PCDHA7: variants seen among roughly 807,000 people sequenced by gnomAD.
PCDHA7 encodes the protein protocadherin alpha 7.
In PCDHA7, 37 loss-of-function variants were observed where a neutral mutation model predicts 57.2. The observed-to-expected ratio is 0.65, with a 90% CI of 0.50 to 0.85. The LOEUF (loss-of-function observed/expected upper bound fraction) is 0.85, where lower values mean the gene tolerates loss of function less well. Ranked by LOEUF, PCDHA7 falls within the 40% of genes least tolerant of loss-of-function variation. The pLI, the probability that PCDHA7 is intolerant of heterozygous loss-of-function variation, is 0.00. For synonymous variants in PCDHA7, 553 were observed against 558.8 expected (o/e 0.99, Z 0.15); for missense variants, 1,188 against 1,241.8 (o/e 0.96, Z 0.65).
At chr5:140,992,186 A>G (rs1436291226) in intron 3 of PCDHA7, among the ~76,000 whole-genome samples, 1 of 152,166 alleles carries the variant, frequency 6.6e-6, no homozygotes, top group East Asian at 1.9e-4. Context: ...TCATGCTTTC[A>G]GTGATCTATC....
chr5:140,979,102 C>T (rs1263848262), intron 2 of PCDHA7, 95 bp downstream of exon 2: 1 of 1,541,684 alleles, frequency 6.5e-7, no homozygotes, highest in Non-Finnish European at 8.7e-7. Flanking sequence ...GCTGTCAAAA[C>T]TAAAAAGCTT....
intron 1 of PCDHA7, among the ~76,000 whole-genome samples, chr5:140,961,205 T>A (rs1215243152): frequency 1.3e-5 from 2 of 152,172 alleles, no homozygotes; most frequent in African/African-American, 4.8e-5. Context: ...GAGGTTGGTA[T>A]TGATGAAGAA....
chr5:140,843,626 C>T, intron 1 of PCDHA7: 1 of 1,596,058 alleles, frequency 6.3e-7, no homozygotes, highest in East Asian at 2.2e-5. Context: ...GAAGACGGAC[C>T]TCATGGCCTT....
At chr5:140,972,624 G>A (rs2096543924) in intron 1 of PCDHA7, among the ~76,000 whole-genome samples, 1 of 150,616 alleles carries the variant, frequency 6.6e-6, no homozygotes, top group Non-Finnish European at 1.5e-5. Flanking sequence ...GAATGTTGTT[G>A]GCACTCCCTT....
intron 1 of PCDHA7, among the ~76,000 whole-genome samples, chr5:140,880,163 AGAAGTTAAACAT>A (rs2058253523): frequency 6.6e-6 from 1 of 152,260 alleles, no homozygotes; most frequent in Admixed American, 6.5e-5. Flanking sequence ...AGTATATGTT[AGAAGTTAAACAT>A]GAAGGGAAAA....
At chr5:141,005,956 A>G (rs1272905916) in intron 3 of PCDHA7, among the ~76,000 whole-genome samples, 2 of 152,020 alleles carry the variant, frequency 1.3e-5, no homozygotes, top group Admixed American at 1.3e-4. Flanking sequence ...CTAACAAACA[A>G]CAATAAAAAA....
chr5:140,849,664 C>G, intron 1 of PCDHA7: 1 of 1,598,668 alleles, frequency 6.3e-7, no homozygotes, highest in Non-Finnish European at 8.6e-7. Flanking sequence ...TGCTCCCTGA[C>G]GCCCCACGTC....
At position 140,850,415 on chromosome 5, in the gene PCDHA7, G is replaced by A. The variant is rs2150483298; in HGVS notation, c.2355+13677G>A. On this transcript the variant is annotated intron_variant, in intron 1 of 3. Transcript: ENST00000525929. The stretch of plus-strand genomic sequence containing the variant: ...GCACAACGCGTGCCCTGGACGAAAC[G>A]GACGCACCGCGCCAGCGCCTACTGG... 3.1e-6 allele frequency: 5 copies of A among 1,597,962 alleles called. 1 individual carries two copies. The highest frequency in any genetic ancestry group is 4.3e-6 in the Non-Finnish European group (5 of 1,167,734).
At chr5:140,857,449 C>T (rs2044602345) in intron 1 of PCDHA7, 1 of 1,598,510 alleles carries the variant, frequency 6.3e-7, no homozygotes, top group East Asian at 2.2e-5. Context: ...AGGAGAACAA[C>T]CCGCCAGGCT....
At chr5:140,868,806 G>C (rs374832846) in intron 1 of PCDHA7, 8 of 356,954 alleles carry the variant, frequency 2.2e-5, no homozygotes, top group Non-Finnish European at 4.0e-5. Flanking sequence ...AAATAAGCAC[G>C]TTGGAAATAT....
chr5:140,907,558 A>G (rs2073449629), intron 1 of PCDHA7, among the ~76,000 whole-genome samples: 1 of 152,186 alleles, frequency 6.6e-6, no homozygotes, highest in Non-Finnish European at 1.5e-5. Flanking sequence ...GGTCCAATAT[A>G]ATCAACTTGC....
intron 2 of PCDHA7, among the ~76,000 whole-genome samples, chr5:140,980,920 A>T (rs1040099192): frequency 1.3e-5 from 2 of 152,166 alleles, no homozygotes; most frequent in African/African-American, 4.8e-5. Context: ...TCTTTAAAAA[A>T]TTCTGCTTTG....
intron 1 of PCDHA7, chr5:140,870,001 G>C (rs782788057): frequency 1.2e-6 from 2 of 1,613,448 alleles, no homozygotes; most frequent in African/African-American, 1.3e-5. Context: ...AAATAATGGA[G>C]AAGTGAGGGT....
intron 1 of PCDHA7, among the ~76,000 whole-genome samples, chr5:140,976,550 C>CATAA (rs782672542): frequency 1.5e-4 from 23 of 152,064 alleles, no homozygotes; most frequent in African/African-American, 4.6e-4. Flanking sequence ...GACCCTATCT[C>CATAA]ATAAATAAAT....
intron 1 of PCDHA7, among the ~76,000 whole-genome samples, chr5:140,885,974 T>C (rs2060795303): frequency 6.6e-6 from 1 of 152,200 alleles, no homozygotes; most frequent in Admixed American, 6.5e-5. Flanking sequence ...GAGATAATTA[T>C]AGATTCGCAT....
chr5:140,841,545 T>C lies in PCDHA7; in HGVS notation c.2355+4807T>C, dbSNP rs1554138308. ...GCGTCCAAAAGACACCGGGACCTTC[T>C]GGAGGTAAGTCTGCAGAATGGCATT... On this transcript the variant is annotated intron_variant, in intron 1 of 3. Coordinates refer to ENST00000525929, the MANE Select transcript of PCDHA7 (RefSeq NM_018910.3). 1 of 1,613,752 alleles carries C rather than the reference T, an allele frequency of 6.2e-7. No homozygotes were observed.
chr5:140,896,980 C>A (rs2065827913), intron 1 of PCDHA7, among the ~76,000 whole-genome samples: 1 of 152,032 alleles, frequency 6.6e-6, no homozygotes, highest in South Asian at 2.1e-4. Context: ...ACAAACAAAC[C>A]AGTTATGCTC....
intron 1 of PCDHA7, among the ~76,000 whole-genome samples, chr5:140,907,205 G>T (rs549918744): frequency 2.0e-5 from 3 of 152,196 alleles, no homozygotes; most frequent in East Asian, 3.9e-4. Context: ...GGAGAATTTT[G>T]CCCCAGCCCT....
At chr5:140,858,233 G>A in intron 1 of PCDHA7, 2 of 1,596,216 alleles carry the variant, frequency 1.3e-6, no homozygotes, top group Non-Finnish European at 1.7e-6. Flanking sequence ...CACCGAGGGC[G>A]CATGTGGGCC....
Sources: allele counts gnomAD v4.1 joint callset (sites outside exome capture counted in the v4.1 genomes callset), GRCh38; gene constraint gnomAD v4.1.1; transcripts MANE v1.5; gene names NCBI Gene and HGNC (gene_info 2026-07-23, HGNC 2026-07-21).